Variants in ZC3H14 observed in about 807,000 individuals in gnomAD.
The protein encoded by ZC3H14 is zinc finger CCCH domain-containing protein 14.
Under a neutral mutation model 92.4 loss-of-function variants are expected in ZC3H14, and 31 were observed. The observed-to-expected ratio is 0.34, with a 90% CI of 0.25 to 0.45. The LOEUF is 0.45. Ranked by LOEUF, ZC3H14 falls within the 20% of genes least tolerant of loss-of-function variation. The pLI, the probability that ZC3H14 is intolerant of heterozygous loss-of-function variation, is 1.00. For missense variants in ZC3H14, 781 were observed against 897.3 expected (o/e 0.87, Z 1.66); for synonymous variants, 321 against 300.9 (o/e 1.07, Z -0.69).
chr14:88,577,899 A>G (rs1003888671), intron 8 of ZC3H14, 86 bp from the exon 9 acceptor site: 20 of 1,555,290 alleles, frequency 1.3e-5, no homozygotes, highest in Non-Finnish European at 1.7e-5. Context: ...CAAAGGAGGC[A>G]TTTATATTTA....
rs761688263 is a variant in ZC3H14 at position 88,611,777 on chromosome 14, C to T, written c.*26C>T. The T allele has an allele frequency of 1.2e-6, 2 of 1,613,816 alleles. No homozygotes were observed. The highest frequency in any genetic ancestry group is 1.7e-6 in the Non-Finnish European group (2 of 1,179,904). ...CACCCAGTCCTGCCTGGCAGAAGAT[C>T]ATGCAGTTTGGAAGTTTTCATGTAC... On this transcript the variant is annotated 3_prime_UTR_variant, in exon 17 of 17. Coordinates refer to ENST00000251038, the MANE Select transcript of ZC3H14 (RefSeq NM_024824.5).
chr14:88,625,052 C>G lies in ZC3H14; in HGVS notation c.*13301C>G. 1 of 1,613,030 alleles carries G rather than the reference C, an allele frequency of 6.2e-7. No individual in the cohort carries two copies. The highest frequency in any genetic ancestry group is 8.5e-7 in the Non-Finnish European group (1 of 1,179,558). On this transcript the variant is annotated 3_prime_UTR_variant, in exon 17 of 17. Coordinates refer to ENST00000251038, the MANE Select transcript of ZC3H14 (RefSeq NM_024824.5). ...AACACAGGCCCGTTGTGAGCTCTCG[C>G]CACGATTCTACACAATATGTGATCT... is the stretch of plus-strand genomic sequence containing the variant.
Position 88,622,871 on chromosome 14 carries a change from C to A in ZC3H14, c.*11120C>A. The stretch of plus-strand genomic sequence containing the variant: ...TAATATTCTTGTAAACTTTCTATGG[C>A]AATTTGAGGATATACTATATCTCAG... On this transcript the variant is annotated 3_prime_UTR_variant, in exon 17 of 17. Transcript: ENST00000251038. 2.0e-6 allele frequency: 1 copy of A among 498,134 alleles called. No individual in the cohort carries two copies. Among genetic ancestry groups the A allele is most frequent in the Non-Finnish European group, 3.5e-6 (1 of 286,066 alleles). The allele number at this position is 498,134 out of a possible 1,614,324, so 30.9% of individuals were successfully genotyped here.
At position 88,612,031 on chromosome 14, in the gene ZC3H14, T is replaced by G; in HGVS notation, c.*280T>G. ...TATTTGGGGCATGTTTGTGCACTGC[T>G]GTTGTGAGGATCAGCATATGAAATT... On this transcript the variant is annotated 3_prime_UTR_variant, in exon 17 of 17. Transcript: ENST00000251038. 2.1e-6 allele frequency: 1 copy of G among 475,270 alleles called. No individual in the cohort carries two copies. The highest frequency in any genetic ancestry group is 3.8e-6 in the Non-Finnish European group (1 of 264,720). The allele number at this position is 475,270 out of a possible 1,614,324, so 29.4% of individuals were successfully genotyped here.
Position 88,617,085 on chromosome 14 carries a change from G to T in ZC3H14, c.*5334G>T. The stretch of plus-strand genomic sequence containing the variant: ...AAAAATGACATTTTATAATTTGAAG[G>T]GTTTCTAGATTAATCTTTTTAAGAT... On this transcript the variant is annotated 3_prime_UTR_variant, in exon 17 of 17. Coordinates refer to ENST00000251038, the MANE Select transcript of ZC3H14 (RefSeq NM_024824.5). 2.3e-6 allele frequency: 1 copy of T among 443,722 alleles called. No homozygotes were observed. Among genetic ancestry groups the T allele is most frequent in the Non-Finnish European group, 4.0e-6 (1 of 249,640 alleles). The allele number at this position is 443,722 out of a possible 1,614,324, so 27.5% of individuals were successfully genotyped here. A position where few individuals can be genotyped will look rare whatever the true frequency, so the allele number is the denominator to read the frequency against.
chr14:88,566,911 C>T lies in ZC3H14; in HGVS notation c.80-1128C>T, dbSNP rs982193090. 3.8e-4 allele frequency among the ~76,000 whole-genome samples: 57 copies of T among 149,102 alleles called. 1 individual carries two copies. Among genetic ancestry groups the T allele is most frequent in the African/African-American group, 1.4e-3 (55 of 40,302 alleles). On this transcript the variant is annotated intron_variant, in intron 2 of 16. Coordinates refer to ENST00000251038, the MANE Select transcript of ZC3H14 (RefSeq NM_024824.5). The stretch of plus-strand genomic sequence containing the variant: ...CTCCAACCTGGGAGACAGAGCAAGA[C>T]TCTGTCGTAAAAGAAAAAAAAAAAA...
intron 9 of ZC3H14, among the ~76,000 whole-genome samples, chr14:88,588,514 G>A (rs1595671916): frequency 6.6e-6 from 1 of 151,984 alleles, no homozygotes; most frequent in Admixed American, 6.5e-5. Flanking sequence ...GAACTTGGTT[G>A]CCCATCTTAT....
chr14:88,573,144 G>A (rs1442024607), intron 6 of ZC3H14, 137 bp downstream of exon 6: 2 of 963,954 alleles, frequency 2.1e-6, no homozygotes, highest in East Asian at 5.3e-5. Context: ...ACTTTGGGAG[G>A]CCGAGGCGGG....
In ZC3H14 at chr14:88,627,319, T is replaced by A. The variant is rs927162769; in HGVS notation, c.*15568T>A. 2.1e-6 allele frequency: 1 copy of A among 481,424 alleles called. No individual in the cohort carries two copies. 29.8% of individuals were successfully genotyped at this position (481,424 alleles called of 1,614,324 possible). On this transcript the variant is annotated 3_prime_UTR_variant, in exon 17 of 17. Coordinates refer to ENST00000251038, the MANE Select transcript of ZC3H14 (RefSeq NM_024824.5). ...TTATCCTGCTGATCTGCCATTATCATTAGAAATATACATAATTTTCATAAG... is the reference window on the plus strand; with the variant it reads ...TTATCCTGCTGATCTGCCATTATCAATAGAAATATACATAATTTTCATAAG...
chr14:88,571,958 A>C, intron 4 of ZC3H14, 72 bp from the exon 5 acceptor site: 1 of 1,241,942 alleles, frequency 8.1e-7, no homozygotes, highest in Non-Finnish European at 1.1e-6. Flanking sequence ...GCGAGACTCC[A>C]TCTCAAAAAT....
In ZC3H14 at chr14:88,611,638, G is replaced by A. The variant is rs1037582558; in HGVS notation, c.2205-107G>A. 2.3e-6 allele frequency: 3 copies of A among 1,326,140 alleles called. No homozygotes were observed. The African/African-American group carries it at 4.4e-5, about 19-fold the overall frequency. The allele number at this position is 1,326,140 out of a possible 1,614,324, so 82.1% of individuals were successfully genotyped here. A position where few individuals can be genotyped will look rare whatever the true frequency, so the allele number is the denominator to read the frequency against. ...TCTGCCATTTATATTGTAATCTTATGACCAAATATTTATTGCTTAAAACTA... is the reference window on the plus strand; with the variant it reads ...TCTGCCATTTATATTGTAATCTTATAACCAAATATTTATTGCTTAAAACTA... On this transcript the variant is annotated intron_variant, in intron 16 of 16. Transcript: ENST00000251038.
chr14:88,598,979 T>A (rs898032641), intron 10 of ZC3H14, among the ~76,000 whole-genome samples: 5 of 152,136 alleles, frequency 3.3e-5, no homozygotes, highest in African/African-American at 1.2e-4. Context: ...TCCCAGCTAC[T>A]AAGGAGGCTG....
chr14:88,609,097 T>G (rs989514858), intron 13 of ZC3H14, 170 bp from the exon 14 acceptor site: 24 of 783,062 alleles, frequency 3.1e-5, no homozygotes, highest in Non-Finnish European at 4.7e-5. Context: ...GAATAAATGA[T>G]TGTGTCCTAT....
rs1017290247 is a variant in ZC3H14 at position 88,584,682 on chromosome 14, C to T, written c.1279+6542C>T. ...CAACCATCTCTGCGACAGTTCAGCT[C>T]TCCAGTAAATTGTGAATTGCAGTGA... On this transcript the variant is annotated intron_variant, in intron 9 of 16. Transcript: ENST00000251038. Among the ~76,000 whole-genome samples the T allele has an allele frequency of 2.0e-5, 3 of 152,282 alleles. No individual in the cohort carries two copies. The East Asian group carries it at 5.8e-4, about 29-fold the overall frequency.
chr14:88,609,621 G>T, intron 14 of ZC3H14, 91 bp from the exon 15 acceptor site: 1 of 1,496,516 alleles, frequency 6.7e-7, no homozygotes, highest in Non-Finnish European at 9.3e-7. Flanking sequence ...TTTAAAAATG[G>T]TTTTCACTTT....
At chr14:88,579,247 CTT>C (rs1486175426) in intron 9 of ZC3H14, among the ~76,000 whole-genome samples, 3 of 152,090 alleles carry the variant, frequency 2.0e-5, no homozygotes, top group Non-Finnish European at 4.4e-5. Context: ...CATTGTGTCT[CTT>C]TAAAAATTTT....
In ZC3H14 at chr14:88,621,067, C is replaced by T. The variant is rs1206406236; in HGVS notation, c.*9316C>T. On this transcript the variant is annotated 3_prime_UTR_variant, in exon 17 of 17. Transcript: ENST00000251038. ...TAGCAATTTAGAACTTCCAACTTTT[C>T]TTTTTAGAAGTTGTAACCTCTTTTA... is the stretch of plus-strand genomic sequence containing the variant. 1.3e-6 allele frequency: 2 copies of T among 1,554,900 alleles called. No homozygotes were observed. Among genetic ancestry groups the T allele is most frequent in the Non-Finnish European group, 1.7e-6 (2 of 1,152,650 alleles).
At chr14:88,567,776 G>T in intron 2 of ZC3H14, 1 of 480,802 alleles carries the variant, frequency 2.1e-6, no homozygotes. Context: ...TCAAGGAAGT[G>T]AATGCATGCT....
chr14:88,576,072 A>T lies in ZC3H14; in HGVS notation c.1123+132A>T, dbSNP rs150483531. ...GTCAAGACCAAGATGAGGTTCCCAT[A>T]TAGAAAAATGGCTTTAAAAGGAAAT... is the stretch of plus-strand genomic sequence containing the variant. On this transcript the variant is annotated intron_variant, in intron 8 of 16. Transcript: ENST00000251038. 1.0e-3 allele frequency: 800 copies of T among 783,410 alleles called. 6 individuals are homozygous for T. In the African/African-American group the frequency reaches 0.013, roughly 12 times the overall value. The allele number at this position is 783,410 out of a possible 1,614,324, so 48.5% of individuals were successfully genotyped here. A position where few individuals can be genotyped will look rare whatever the true frequency, so the allele number is the denominator to read the frequency against.
Sources: gnomAD v4.1 joint callset for allele counts (sites outside exome capture counted in the v4.1 genomes callset) on GRCh38, gnomAD v4.1.1 for gene constraint, MANE v1.5 for transcripts, NCBI Gene and HGNC (gene_info 2026-07-23, HGNC 2026-07-21) for gene names.